Variants in CTTNBP2 observed in about 807,000 individuals in gnomAD.
CTTNBP2 encodes cortactin binding protein 2.
In CTTNBP2, 108 loss-of-function variants were observed where a neutral mutation model predicts 156.9. That is an observed-to-expected ratio of 0.69 (90% confidence interval 0.59 to 0.81). The LOEUF is 0.81. Ranked by LOEUF, CTTNBP2 falls within the 30% of genes least tolerant of loss-of-function variation. The pLI is 0.00. For missense variants in CTTNBP2, 1,924 were observed against 2,035.4 expected (o/e 0.95, Z 1.05); for synonymous variants, 767 against 751.8 (o/e 1.02, Z -0.33).
chr7:117,736,453 T>C (rs1795713114), intron 14 of CTTNBP2, among the ~76,000 whole-genome samples: 1 of 150,360 alleles, frequency 6.7e-6, no homozygotes, highest in African/African-American at 2.5e-5. Context: ...AAAAAAAAAA[T>C]GTAGACAGGA....
rs1554405470 is a variant in CTTNBP2, at chr7:117,724,669, T to A, written c.4325A>T (p.Tyr1442Phe). 1 of 1,614,226 alleles carries A rather than the reference T, an allele frequency of 6.2e-7. No homozygotes were observed. Among genetic ancestry groups the A allele is most frequent in the Non-Finnish European group, 8.5e-7 (1 of 1,180,028 alleles). ...TCCTTTCTTCTTGTTACAAGTGTTA[T>A]AACTGGAAACTATGGATAAAGGGAA... is the stretch of plus-strand genomic sequence containing the variant. ...GSFPLSIVSS[Y>F]NTCNKKKGES... The change falls in exon 19 of 23, where the codon TAT (tyrosine) becomes TTT (phenylalanine). Residue 1442 changes from tyrosine (Y) to phenylalanine (F), a missense_variant. By Grantham distance (22) the Tyr-to-Phe change is conservative (BLOSUM62 3). Coordinates refer to ENST00000160373, the MANE Select transcript of CTTNBP2 (RefSeq NM_033427.3).
At chr7:117,761,363 T>C (rs1797207583) in intron 9 of CTTNBP2, among the ~76,000 whole-genome samples, 1 of 152,260 alleles carries the variant, frequency 6.6e-6, no homozygotes, top group African/African-American at 2.4e-5. Context: ...GATTTAACTT[T>C]TGAAATGTTC....
At chr7:117,802,008 T>G (rs1433101502) in intron 3 of CTTNBP2, among the ~76,000 whole-genome samples, 1 of 151,238 alleles carries the variant, frequency 6.6e-6, no homozygotes, top group Non-Finnish European at 1.5e-5. Flanking sequence ...CTGCACCCAC[T>G]AACTCGTCAT....
Position 117,777,782 on chromosome 7 carries a change from C to A in CTTNBP2, c.2524-17G>T. 6.2e-7 allele frequency: 1 copy of A among 1,600,004 alleles called. No homozygotes were observed. Among genetic ancestry groups the A allele is most frequent in the Non-Finnish European group, 8.5e-7 (1 of 1,170,044 alleles). On this transcript the variant is annotated splice_polypyrimidine_tract_variant and intron_variant, in intron 7 of 22. Coordinates refer to ENST00000160373, the MANE Select transcript of CTTNBP2 (RefSeq NM_033427.3). ...CCAGCCATCCTGAAAATAAAATGAC[C>A]AGGGGGAAAGGGTTGATAACAACAT...
chr7:117,805,905 G>A (rs572441975), intron 3 of CTTNBP2, among the ~76,000 whole-genome samples: 2 of 152,136 alleles, frequency 1.3e-5, no homozygotes, highest in East Asian at 3.9e-4. Flanking sequence ...AACTACAAAG[G>A]ATATGAAAAT....
chr7:117,784,531 A>C, intron 4 of CTTNBP2, 77 bp from the exon 5 acceptor site: 1 of 994,914 alleles, frequency 1.0e-6, no homozygotes, highest in Non-Finnish European at 1.5e-6. Flanking sequence ...TTTCTGAATT[A>C]CACACACACA....
intron 2 of CTTNBP2, among the ~76,000 whole-genome samples, chr7:117,841,416 C>CT (rs368554803): frequency 0.036 from 5,369 of 149,538 alleles, 311 homozygotes; most frequent in African/African-American, 0.12. Flanking sequence ...TACTTTCTGT[C>CT]TTTTTTTTTT....
Position 117,836,136 on chromosome 7 carries a change from C to A in CTTNBP2, c.189+25073G>T, listed in dbSNP as rs948618964. On this transcript the variant is annotated intron_variant, in intron 2 of 22. Coordinates refer to ENST00000160373, the MANE Select transcript of CTTNBP2 (RefSeq NM_033427.3). ...GACTGGACAGGGGAGGCTTCATTAC[C>A]AAGACTGTTGTTTCCACCTTCTCAC... Among the ~76,000 whole-genome samples the A allele has an allele frequency of 8.5e-5, 13 of 152,266 alleles. No homozygotes were observed. The East Asian group carries it at 2.5e-3, about 29-fold the overall frequency.
chr7:117,774,368 A>G (rs1459969109), intron 8 of CTTNBP2, among the ~76,000 whole-genome samples: 1 of 152,114 alleles, frequency 6.6e-6, no homozygotes, highest in Admixed American at 6.5e-5. Flanking sequence ...TAGATGAACT[A>G]TGTCAGGGGT....
At chr7:117,819,072 A>G (rs1229458790) in intron 2 of CTTNBP2, among the ~76,000 whole-genome samples, 1 of 152,216 alleles carries the variant, frequency 6.6e-6, no homozygotes, top group African/African-American at 2.4e-5. Flanking sequence ...CAAAATCAAA[A>G]AGGATAGAAA....
At chr7:117,771,878 G>A (rs1797814935) in intron 8 of CTTNBP2, among the ~76,000 whole-genome samples, 1 of 152,192 alleles carries the variant, frequency 6.6e-6, no homozygotes, top group South Asian at 2.1e-4. Flanking sequence ...AAGACAAGCT[G>A]AAATGTTTTC....
At chr7:117,743,214 T>C (rs991404882) in intron 14 of CTTNBP2, among the ~76,000 whole-genome samples, 3 of 152,224 alleles carry the variant, frequency 2.0e-5, no homozygotes, top group Admixed American at 2.0e-4. Context: ...TCTCTAAGCT[T>C]AGAGCAGAAT....
In CTTNBP2 at chr7:117,724,874, C is replaced by T. The variant is rs955516496; in HGVS notation, c.4262-142G>A. 4 of 1,120,448 alleles carry T rather than the reference C, an allele frequency of 3.6e-6. No individual in the cohort carries two copies. The Admixed American group carries it at 7.9e-5, about 22-fold the overall frequency. 69.4% of individuals were successfully genotyped at this position (1,120,448 alleles called of 1,614,324 possible). ...CTGGGGTTTTGTGAACCAGCACCAA[C>T]TTTACTTGGAGGTCTAGAATTCAAA... On this transcript the variant is annotated intron_variant, in intron 18 of 22. Transcript: ENST00000160373.
chr7:117,761,048 A>G (rs952675863), intron 9 of CTTNBP2, among the ~76,000 whole-genome samples: 1 of 152,100 alleles, frequency 6.6e-6, no homozygotes, highest in Non-Finnish European at 1.5e-5. Flanking sequence ...AATTCTCTAT[A>G]TTCTCCTTTC....
intron 22 of CTTNBP2, among the ~76,000 whole-genome samples, chr7:117,717,178 G>C (rs1218293236): frequency 6.6e-6 from 1 of 152,182 alleles, no homozygotes; most frequent in Admixed American, 6.5e-5. Context: ...TAATGGTGCA[G>C]TGCTGTAGTC....
At position 117,724,639 on chromosome 7, in the gene CTTNBP2, C is replaced by G; in HGVS notation, c.4355G>C (p.Ser1452Thr). 6.2e-7 allele frequency: 1 copy of G among 1,614,138 alleles called. No homozygotes were observed. Among genetic ancestry groups the G allele is most frequent in the Non-Finnish European group, 8.5e-7 (1 of 1,180,002 alleles). Residue 1452 changes from serine to threonine, a missense_variant, in exon 19 of 23, where the codon AGT becomes ACT. Transcript: ENST00000160373. The part of the protein sequence containing the change: ...YNTCNKKKGE[S>T]GAWRKVNTSP... The stretch of plus-strand genomic sequence containing the variant: ...GGTGTTCACCTTTCTCCAGGCACCA[C>G]TCTCTCCTTTCTTCTTGTTACAAGT...
At chr7:117,733,074 C>G (rs529305332) in intron 16 of CTTNBP2, among the ~76,000 whole-genome samples, 1 of 152,158 alleles carries the variant, frequency 6.6e-6, no homozygotes, top group Admixed American at 6.5e-5. Context: ...CCTGAAAGGT[C>G]GATTTTCTTG....
intron 8 of CTTNBP2, among the ~76,000 whole-genome samples, chr7:117,771,171 T>A (rs538398050): frequency 8.5e-4 from 130 of 152,158 alleles, no homozygotes; most frequent in African/African-American, 2.9e-3. Context: ...GTGAGGGAAG[T>A]GCCAGGCTCC....
intron 2 of CTTNBP2, among the ~76,000 whole-genome samples, chr7:117,830,458 A>T (rs1208792598): frequency 6.6e-6 from 1 of 152,238 alleles, no homozygotes; most frequent in Non-Finnish European, 1.5e-5. Flanking sequence ...CTTGTGAATG[A>T]GTGAACAGCC....
Sources: gnomAD v4.1 joint callset for allele counts (sites outside exome capture counted in the v4.1 genomes callset) on GRCh38, gnomAD v4.1.1 for gene constraint, MANE v1.5 for transcripts, NCBI Gene and HGNC (gene_info 2026-07-23, HGNC 2026-07-21) for gene names.